KIF1A: variants seen among roughly 807,000 people sequenced by gnomAD.
The protein encoded by KIF1A is kinesin-like protein KIF1A.
A neutral mutation model predicts 227.3 loss-of-function variants in KIF1A; 46 were observed. The ratio of observed to expected loss-of-function variants is 0.20; its 90% CI spans 0.16 to 0.26. The LOEUF (loss-of-function observed/expected upper bound fraction) is 0.26. KIF1A is among the 10% of genes least tolerant of loss of function. KIF1A has a pLI of 1.00. For synonymous variants in KIF1A, 1,022 were observed against 1,012.8 expected (o/e 1.01, Z -0.17); for missense variants, 1,683 against 2,485.9 (o/e 0.68, Z 6.87).
intron 38 of KIF1A, among the ~76,000 whole-genome samples, chr2:240,734,446 G>T (rs1226824418): frequency 6.6e-6 from 1 of 152,186 alleles, no homozygotes; most frequent in African/African-American, 2.4e-5. Flanking sequence ...TAGGGAGCAG[G>T]AAACTACAAA....
Position 240,758,624 on chromosome 2 carries a change from C to G in KIF1A, c.2445-127G>C. ...GCCACCACATCCAGCTCAGGGTCAT[C>G]AAGGTCCAGGGGGCTTGCTAGACAG... On this transcript the variant is annotated intron_variant, in intron 25 of 48. Transcript: ENST00000498729. The surrounding 1 kb of genome is among the most constrained non-coding windows in gnomAD (Gnocchi z 5.2). 9.9e-7 allele frequency: 1 copy of G among 1,008,406 alleles called. No homozygotes were observed. Among genetic ancestry groups the G allele is most frequent in the Non-Finnish European group, 1.3e-6 (1 of 740,896 alleles). 62.5% of individuals were successfully genotyped at this position (1,008,406 alleles called of 1,614,324 possible).
In KIF1A at chr2:240,757,929, G is replaced by T. The variant is rs1317032014; in HGVS notation, c.2583-335C>A. Among the ~76,000 whole-genome samples the T allele has an allele frequency of 3.9e-5, 6 of 152,240 alleles. No individual in the cohort carries two copies. Among genetic ancestry groups the T allele is most frequent in the Non-Finnish European group, 8.8e-5 (6 of 68,038 alleles). On this transcript the variant is annotated intron_variant, in intron 26 of 48. Transcript: ENST00000498729. The surrounding 1 kb of genome is among the most constrained non-coding windows in gnomAD (Gnocchi z 6.2). Reference sequence around the variant, plus strand: ...CCTCAGAATACCACGGTCCCATGGGGTGAAGGGGGCTGGGTGCAGACCCCA... The same window carrying T: ...CCTCAGAATACCACGGTCCCATGGGTTGAAGGGGGCTGGGTGCAGACCCCA...
intron 38 of KIF1A, among the ~76,000 whole-genome samples, chr2:240,733,653 C>T (rs755470656): frequency 9.2e-5 from 14 of 152,308 alleles, no homozygotes; most frequent in East Asian, 1.9e-4. Context: ...CCTGACCCAT[C>T]GCAACACGAC....
chr2:240,784,257 G>A (rs971217494), intron 7 of KIF1A, among the ~76,000 whole-genome samples: 4 of 152,098 alleles, frequency 2.6e-5, no homozygotes, highest in Non-Finnish European at 4.4e-5. Flanking sequence ...GGTGGGCACC[G>A]GCCAGGCTCC....
chr2:240,782,254 G>A lies in KIF1A; in HGVS notation c.882+336C>T. 3.1e-6 allele frequency: 3 copies of A among 959,738 alleles called. 1 individual carries two copies. Among genetic ancestry groups the A allele is most frequent in the South Asian group, 9.6e-5 (2 of 20,806 alleles). 59.5% of individuals were successfully genotyped at this position (959,738 alleles called of 1,614,324 possible). The stretch of plus-strand genomic sequence containing the variant: ...ACCCGCTTCCTCTCAGGGCTCCCCA[G>A]CCCTCTCCATGTCCGAGGGGCTCCT... On this transcript the variant is annotated intron_variant, in intron 10 of 48. Coordinates refer to ENST00000498729, the MANE Select transcript of KIF1A (RefSeq NM_001244008.2).
chr2:240,788,616 G>T lies in KIF1A; in HGVS notation c.184-386C>A, dbSNP rs769006305. ...GAGACCCCACAGGCTGGGCTACAGC[G>T]CCTGGACACTGTCCTGAGGACAGTG... On this transcript the variant is annotated intron_variant, in intron 3 of 48. Transcript: ENST00000498729. The surrounding 1 kb of genome is among the most constrained non-coding windows in gnomAD (Gnocchi z 6.6). 6.6e-6 allele frequency among the ~76,000 whole-genome samples: 1 copy of T among 152,122 alleles called. No homozygotes were observed. Among genetic ancestry groups the T allele is most frequent in the Non-Finnish European group, 1.5e-5 (1 of 68,024 alleles).
At chr2:240,719,235 T>C (rs538682295) in intron 46 of KIF1A, 37 bp from the exon 47 acceptor site, 3 of 1,577,246 alleles carry the variant, frequency 1.9e-6, no homozygotes, top group South Asian at 2.3e-5. Context: ...GGGCCCTCGG[T>C]GGGGGCAGCG....
At position 240,741,346 on chromosome 2, in the gene KIF1A, C is replaced by T. The variant is rs371024769; in HGVS notation, c.3672G>A (p.Arg1224=). 1.5e-4 allele frequency: 238 copies of T among 1,588,636 alleles called. 1 individual carries two copies. In the African/African-American group the frequency reaches 1.5e-3, roughly 10 times the overall value. The change falls in exon 35 of 49, where the codon CGG becomes CGA. Residue 1224 remains arginine, a synonymous_variant. Coordinates refer to ENST00000498729, the MANE Select transcript of KIF1A (RefSeq NM_001244008.2). ...VPATKLSTLT[R]PCPGPCHCKY... is the part of the protein sequence containing the mutation. Reference sequence around the variant, plus strand: ...TGCAGTGGCAGGGTCCCGGACAGGGCCGCGTCAGTGTGCTGAGCTTGGTGG... The same window carrying T: ...TGCAGTGGCAGGGTCCCGGACAGGGTCGCGTCAGTGTGCTGAGCTTGGTGG...
Position 240,726,943 on chromosome 2 carries a change from G to A in KIF1A, c.4008-3C>T. On this transcript the variant is annotated splice_region_variant and splice_polypyrimidine_tract_variant and intron_variant, in intron 38 of 48. Coordinates refer to ENST00000498729, the MANE Select transcript of KIF1A (RefSeq NM_001244008.2). This position sits in a 1 kb window ranked among gnomAD's most constrained non-coding sequence, Gnocchi z 5.2. Reference sequence around the variant, plus strand: ...CAGCCTCAAATTGGTAAAAGGTCCTGAAAGGAAGCAGAGACAAAGTAGAAG... The same window carrying A: ...CAGCCTCAAATTGGTAAAAGGTCCTAAAAGGAAGCAGAGACAAAGTAGAAG... 1 of 1,577,324 alleles carries A rather than the reference G, an allele frequency of 6.3e-7. No homozygotes were observed. Among genetic ancestry groups the A allele is most frequent in the Non-Finnish European group, 8.7e-7 (1 of 1,151,610 alleles).
chr2:240,783,952 C>T, intron 7 of KIF1A, 136 bp from the exon 8 acceptor site: 2 of 683,966 alleles, frequency 2.9e-6, no homozygotes, highest in Non-Finnish European at 5.3e-6. Context: ...CGCCCCTCCC[C>T]AGGCCCAGCA....
chr2:240,762,713 C>G lies in KIF1A; in HGVS notation c.2116+6G>C. The G allele has an allele frequency of 6.3e-7, 1 of 1,584,334 alleles. No individual in the cohort carries two copies. Among genetic ancestry groups the G allele is most frequent in the Non-Finnish European group, 8.6e-7 (1 of 1,158,908 alleles). On this transcript the variant is annotated splice_donor_region_variant and intron_variant, in intron 23 of 48. Coordinates refer to ENST00000498729, the MANE Select transcript of KIF1A (RefSeq NM_001244008.2). The stretch of plus-strand genomic sequence containing the variant: ...CGCAGCAGGTGCTGGCCCAGTGACC[C>G]CTCACCTTCATCCTCGGGCTCCTCC...
At position 240,775,965 on chromosome 2, in the gene KIF1A, C is replaced by T; in HGVS notation, c.883-39G>A. On this transcript the variant is annotated intron_variant, in intron 10 of 48. Coordinates refer to ENST00000498729, the MANE Select transcript of KIF1A (RefSeq NM_001244008.2). The surrounding 1 kb of genome is among the most constrained non-coding windows in gnomAD (Gnocchi z 5.5). Reference sequence around the variant, plus strand: ...ACATTCAAGGTCAAGCCCGAGCCCACTGCAGAGGAAGCGAAAGGGAGGGGC... The same window carrying T: ...ACATTCAAGGTCAAGCCCGAGCCCATTGCAGAGGAAGCGAAAGGGAGGGGC... The T allele has an allele frequency of 7.0e-7, 1 of 1,429,840 alleles. No individual in the cohort carries two copies. The allele number at this position is 1,429,840 out of a possible 1,614,324, so 88.6% of individuals were successfully genotyped here. A position where few individuals can be genotyped will look rare whatever the true frequency, so the allele number is the denominator to read the frequency against.
chr2:240,720,091 A>T (rs1559474065), intron 45 of KIF1A, 165 bp from the exon 46 acceptor site: 2 of 566,820 alleles, frequency 3.5e-6, no homozygotes, highest in South Asian at 7.9e-5. Flanking sequence ...CCCGTCCACC[A>T]GGATAGCCAA....
intron 10 of KIF1A, chr2:240,781,733 C>G: frequency 2.1e-6 from 2 of 974,512 alleles, no homozygotes; most frequent in Non-Finnish European, 2.4e-6. Flanking sequence ...CTTCCTCTCC[C>G]GTTCCCACAC....
At chr2:240,807,071 C>CATAT (rs144429410) in intron 1 of KIF1A, among the ~76,000 whole-genome samples, 5,451 of 115,522 alleles carry the variant, frequency 0.047, 216 homozygotes, top group East Asian at 0.15. Flanking sequence ...TACACATCCT[C>CATAT]ATATATATGT....
At position 240,783,117 on chromosome 2, in the gene KIF1A, C is replaced by T. The variant is rs763330712; in HGVS notation, c.799-8G>A. ...GTTGATGTTGGCCCCCTCCTGCGGG[C>T]AGAAAAGACAGTGGGGTTGGGATGC... On this transcript the variant is annotated splice_region_variant and splice_polypyrimidine_tract_variant and intron_variant, in intron 8 of 48. Transcript: ENST00000498729. The T allele has an allele frequency of 6.2e-7, 1 of 1,612,318 alleles. No homozygotes were observed. Among genetic ancestry groups the T allele is most frequent in the South Asian group, 1.1e-5 (1 of 91,050 alleles).
At chr2:240,794,212 G>A (rs1356211317) in intron 2 of KIF1A, among the ~76,000 whole-genome samples, 1 of 152,202 alleles carries the variant, frequency 6.6e-6, no homozygotes, top group Non-Finnish European at 1.5e-5. Context: ...CTTCTCTCCT[G>A]AGCTCCCTCA....
At chr2:240,773,982 A>G (rs757859928) in intron 12 of KIF1A, among the ~76,000 whole-genome samples, 1 of 152,100 alleles carries the variant, frequency 6.6e-6, no homozygotes, top group East Asian at 1.9e-4. Flanking sequence ...CACACCCCCA[A>G]AGGCTCCATG....
intron 38 of KIF1A, among the ~76,000 whole-genome samples, chr2:240,728,169 C>T (rs557141929): frequency 1.6e-4 from 24 of 152,212 alleles, no homozygotes; most frequent in Middle Eastern, 3.4e-3. Context: ...TGGTCTGGGA[C>T]GCAGGGCATG....
Sources: gnomAD v4.1 joint callset for allele counts (sites outside exome capture counted in the v4.1 genomes callset) on GRCh38, gnomAD v4.1.1 for gene constraint, Gnocchi (gnomAD v3.1) non-coding constraint, MANE v1.5 for transcripts, NCBI Gene and HGNC (gene_info 2026-07-23, HGNC 2026-07-21) for gene names.